The following AFF3 variants were observed in gnomAD, a reference collection of about 807,000 sequenced individuals.
AFF3 encodes the protein AF4/FMR2 family member 3.
In AFF3, 32 loss-of-function variants were observed where a neutral mutation model predicts 129.7. The observed-to-expected ratio is 0.25, with a 90% CI of 0.19 to 0.33. AFF3 has a LOEUF of 0.33. Ranked by LOEUF, AFF3 falls within the 10% of genes least tolerant of loss-of-function variation. The pLI, the probability that AFF3 is intolerant of heterozygous loss-of-function variation, is 1.00. For synonymous variants in AFF3, 644 were observed against 635.4 expected (o/e 1.01, Z -0.20); for missense variants, 1,373 against 1,592.0 (o/e 0.86, Z 2.34).
intron 4 of AFF3, among the ~76,000 whole-genome samples, chr2:100,068,939 G>A (rs1687951237): frequency 1.3e-5 from 2 of 152,076 alleles, no homozygotes; most frequent in Non-Finnish European, 1.5e-5. Context: ...CTCCTTAGAT[G>A]GTAACCAAAC....
chr2:100,107,395 CA>C, intron 2 of AFF3: 25 of 984,724 alleles, frequency 2.5e-5, no homozygotes, highest in East Asian at 1.1e-4. Context: ...CTCCTTAATA[CA>C]AAGCAAAAAA....
chr2:99,809,256 G>C (rs781450337), intron 8 of AFF3, among the ~76,000 whole-genome samples: 12 of 152,232 alleles, frequency 7.9e-5, no homozygotes, highest in Non-Finnish European at 1.6e-4. Context: ...GAAAGTGACA[G>C]CAGAGCGCTT....
chr2:99,886,716 A>G (rs1276589923), intron 7 of AFF3, among the ~76,000 whole-genome samples: 1 of 152,222 alleles, frequency 6.6e-6, no homozygotes, highest in Admixed American at 6.5e-5. Context: ...TAGTGATGGA[A>G]AAAATAAGGC....
At chr2:99,885,266 T>C (rs1693023094) in intron 7 of AFF3, among the ~76,000 whole-genome samples, 1 of 152,186 alleles carries the variant, frequency 6.6e-6, no homozygotes, top group South Asian at 2.1e-4. Flanking sequence ...CACTTTACCC[T>C]ACCTCACACA....
At chr2:99,973,182 T>C (rs1208488221) in intron 7 of AFF3, among the ~76,000 whole-genome samples, 1 of 152,188 alleles carries the variant, frequency 6.6e-6, no homozygotes, top group African/African-American at 2.4e-5. Context: ...GTAGAGAAAG[T>C]TGCTCTTCTT....
At chr2:99,848,866 G>C (rs574065534) in intron 7 of AFF3, among the ~76,000 whole-genome samples, 1 of 152,186 alleles carries the variant, frequency 6.6e-6, no homozygotes, top group Admixed American at 6.5e-5. Context: ...TTCTAGCACT[G>C]GGAAAGTAGA....
intron 12 of AFF3, among the ~76,000 whole-genome samples, chr2:99,657,795 A>G (rs1685883181): frequency 6.6e-6 from 1 of 152,192 alleles, no homozygotes. Flanking sequence ...CCTGAGAAAA[A>G]TGCTGATTAG....
chr2:100,141,893 T>C (rs1692898725), intron 1 of AFF3, among the ~76,000 whole-genome samples: 1 of 151,786 alleles, frequency 6.6e-6, no homozygotes, highest in Middle Eastern at 3.4e-3. Context: ...TACACACATA[T>C]ACAATGTTCC....
At chr2:99,964,924 G>C (rs923292300) in intron 7 of AFF3, among the ~76,000 whole-genome samples, 1 of 152,152 alleles carries the variant, frequency 6.6e-6, no homozygotes, top group Non-Finnish European at 1.5e-5. Flanking sequence ...TCTTACAACT[G>C]CATGTGACTC....
At position 99,547,787 on chromosome 2, in the gene AFF3, G is replaced by C. The variant is rs921481620; in HGVS notation, c.*3687C>G. The C allele has an allele frequency of 9.5e-6, 2 of 209,916 alleles. No homozygotes were observed. The highest frequency in any genetic ancestry group is 5.9e-5 in the Admixed American group (1 of 16,968). The allele number at this position is 209,916 out of a possible 1,614,324, so 13.0% of individuals were successfully genotyped here. On this transcript the variant is annotated 3_prime_UTR_variant, in exon 25 of 25. Coordinates refer to ENST00000672756, the MANE Select transcript of AFF3 (RefSeq NM_001386135.1). ...TTAAATGTATGCATTTATACAAACT[G>C]TGTATATTATGTATGGGGTGTCAGA...
chr2:99,769,061 T>C (rs1374727437), intron 8 of AFF3, among the ~76,000 whole-genome samples: 1 of 152,222 alleles, frequency 6.6e-6, no homozygotes, highest in Non-Finnish European at 1.5e-5. Flanking sequence ...TTATTATACC[T>C]TTGAATACAC....
At chr2:99,739,989 A>C (rs1214171574) in intron 10 of AFF3, among the ~76,000 whole-genome samples, 1 of 123,824 alleles carries the variant, frequency 8.1e-6, no homozygotes, top group Non-Finnish European at 1.6e-5. Flanking sequence ...CAGTCCCCAG[A>C]GTGTAATGTT....
intron 24 of AFF3, 114 bp from the exon 25 acceptor site, chr2:99,551,709 C>A: frequency 1.5e-6 from 2 of 1,320,446 alleles, no homozygotes; most frequent in South Asian, 1.4e-5. Flanking sequence ...AAGGATTCTC[C>A]GTTCCATCAT....
At chr2:99,892,490 A>AT (rs1290678160) in intron 7 of AFF3, among the ~76,000 whole-genome samples, 2 of 152,100 alleles carry the variant, frequency 1.3e-5, no homozygotes, top group Non-Finnish European at 2.9e-5. Flanking sequence ...AGTTTAAAGA[A>AT]TTTTTTCAAC....
chr2:99,580,593 G>A (rs1677434864), intron 17 of AFF3, among the ~76,000 whole-genome samples: 2 of 152,164 alleles, frequency 1.3e-5, no homozygotes, highest in African/African-American at 2.4e-5. Flanking sequence ...AGTCCAAAAT[G>A]TGAAAACCTG....
At chr2:99,735,064 GTTATAT>G in intron 10 of AFF3, among the ~76,000 whole-genome samples, 1 of 151,988 alleles carries the variant, frequency 6.6e-6, no homozygotes, top group Non-Finnish European at 1.5e-5. Flanking sequence ...GATTATTCAG[GTTATAT>G]TTATATGTAA....
In AFF3 at chr2:99,929,953, T is replaced by C. The variant is rs1396715156; in HGVS notation, c.873+76679A>G. Among the ~76,000 whole-genome samples, 4 of 151,878 alleles carry C rather than the reference T, an allele frequency of 2.6e-5. No individual in the cohort carries two copies. In the East Asian group the frequency reaches 7.7e-4, roughly 29 times the overall value. On this transcript the variant is annotated intron_variant, in intron 7 of 24. Coordinates refer to ENST00000672756, the MANE Select transcript of AFF3 (RefSeq NM_001386135.1). ...TTTTAATGAGTATCTGACTTCTTCA[T>C]GTGTTACAAACTCAGGAAAGCAGAC...
intron 7 of AFF3, among the ~76,000 whole-genome samples, chr2:99,838,537 C>A (rs924530807): frequency 1.3e-5 from 2 of 152,188 alleles, no homozygotes; most frequent in African/African-American, 2.4e-5. Flanking sequence ...TTCCTCCGAG[C>A]AGCCACCCTG....
chr2:99,994,551 A>T (rs1454989547), intron 7 of AFF3, among the ~76,000 whole-genome samples: 4 of 152,250 alleles, frequency 2.6e-5, no homozygotes, highest in Non-Finnish European at 5.9e-5. Context: ...ATCAAAAATA[A>T]GATGGAATGC....
Sources: gnomAD v4.1 joint callset for allele counts (sites outside exome capture counted in the v4.1 genomes callset) on GRCh38, gnomAD v4.1.1 for gene constraint, MANE v1.5 for transcripts, NCBI Gene and HGNC (gene_info 2026-07-23, HGNC 2026-07-21) for gene names.